Variants in UNC13B observed in about 807,000 individuals in gnomAD.
The protein encoded by UNC13B is protein unc-13 homolog B.
UNC13B carries 144 observed loss-of-function variants against 211.0 expected under a neutral mutation model. The ratio of observed to expected loss-of-function variants is 0.68; its 90% CI spans 0.60 to 0.78. The LOEUF is 0.78. UNC13B is among the 30% of genes least tolerant of loss of function. The pLI, the probability that UNC13B is intolerant of heterozygous loss-of-function variation, is 0.00. For synonymous variants in UNC13B, 709 were observed against 725.8 expected (o/e 0.98, Z 0.37); for missense variants, 1,777 against 2,002.0 (o/e 0.89, Z 2.14).
In UNC13B at chr9:35,304,030, T is replaced by G. The variant is rs1829810547; in HGVS notation, c.4626T>G (p.Ser1542=). 7.5e-6 allele frequency: 3 copies of G among 398,846 alleles called. No homozygotes were observed. Among genetic ancestry groups the G allele is most frequent in the Non-Finnish European group, 8.9e-6 (2 of 225,894 alleles). The allele number at this position is 398,846 out of a possible 1,614,324, so 24.7% of individuals were successfully genotyped here. A position where few individuals can be genotyped will look rare whatever the true frequency, so the allele number is the denominator to read the frequency against. Residue 1542 remains serine, a synonymous_variant, in exon 9 of 40, where the codon TCT becomes TCG. Coordinates refer to ENST00000635942, the MANE Select transcript of UNC13B (RefSeq NM_001371189.2). ...YMFHDGQYIY[S]LLTDSTGQYA... ...TTCATGATGGTCAATATATCTATTC[T>G]CTTCTCACTGATTCTACTGGGCAGT...
At chr9:35,295,409 C>G (rs1016374629) in intron 7 of UNC13B, among the ~76,000 whole-genome samples, 7 of 152,092 alleles carry the variant, frequency 4.6e-5, no homozygotes, top group African/African-American at 1.7e-4. Context: ...GTTGGAGAAG[C>G]AGAATTCCAA....
At chr9:35,366,705 C>T (rs1833792750) in intron 11 of UNC13B, among the ~76,000 whole-genome samples, 1 of 152,158 alleles carries the variant, frequency 6.6e-6, no homozygotes, top group Non-Finnish European at 1.5e-5. Context: ...GACTTCAGCC[C>T]TGCAAACTCA....
rs1835042672 is a variant in UNC13B at position 35,384,286 on chromosome 9, C to T, written c.10847C>T (p.Ser3616Leu). The T allele has an allele frequency of 6.2e-7, 1 of 1,613,942 alleles. No individual in the cohort carries two copies. The highest frequency in any genetic ancestry group is 2.2e-5 in the East Asian group (1 of 44,900). The change falls in exon 22 of 40, where the codon TCA becomes TTA. Residue 3616 changes from serine to leucine, a missense_variant. Ser to Leu is a moderately radical substitution (Grantham distance 145, BLOSUM62 -2). Transcript: ENST00000635942. ...FVKLLDQLHN[S>L]LRIDLSTYRN... ...AAACTGCTGGACCAGCTACACAACT[C>T]ACTGAGGATCGACCTCTCTACATAC... is the stretch of plus-strand genomic sequence containing the variant.
At chr9:35,344,873 A>G (rs971361852) in intron 11 of UNC13B, among the ~76,000 whole-genome samples, 2 of 152,128 alleles carry the variant, frequency 1.3e-5, no homozygotes, top group Non-Finnish European at 2.9e-5. Flanking sequence ...ATTCAATGAC[A>G]GGGTTGGTTT....
intron 17 of UNC13B, 113 bp from the exon 18 acceptor site, chr9:35,380,357 C>T (rs1053054680): frequency 3.6e-6 from 3 of 824,132 alleles, no homozygotes; most frequent in Non-Finnish European, 5.1e-6. Flanking sequence ...TCTGACTTCT[C>T]CTCTTTCAGG....
At chr9:35,388,371 G>A (rs1344265579) in intron 24 of UNC13B, among the ~76,000 whole-genome samples, 1 of 152,138 alleles carries the variant, frequency 6.6e-6, no homozygotes, top group African/African-American at 2.4e-5. Flanking sequence ...TCGTGCTGCT[G>A]CACTCCAGCC....
At chr9:35,162,353 C>A in intron 1 of UNC13B, 48 bp downstream of exon 1, 1 of 1,502,136 alleles carries the variant, frequency 6.7e-7, no homozygotes, top group Non-Finnish European at 8.9e-7. Context: ...GCGTAGAGGT[C>A]CCCGCACCCT....
chr9:35,359,377 A>G (rs149897029), intron 11 of UNC13B, among the ~76,000 whole-genome samples: 17 of 152,180 alleles, frequency 1.1e-4, no homozygotes, highest in Admixed American at 3.9e-4. Flanking sequence ...TTGACTTCCT[A>G]TGCTCACTTC....
rs909702156 is a variant in UNC13B at position 35,227,353 on chromosome 9, CT to C, written c.23-653del. 5.9e-5 allele frequency among the ~76,000 whole-genome samples: 9 copies of C among 151,570 alleles called. No individual in the cohort carries two copies. The East Asian group carries it at 1.4e-3, about 23-fold the overall frequency. ...TTTTGTGTTTTAGGGTTTTCTTCACCTTTTTTTTTCTCCTGTGGCACGTAGC... is the reference window on the plus strand; with the variant it reads ...TTTTGTGTTTTAGGGTTTTCTTCACCTTTTTTTTCTCCTGTGGCACGTAGC... On this transcript the variant is annotated intron_variant, in intron 1 of 39. Coordinates refer to ENST00000635942, the MANE Select transcript of UNC13B (RefSeq NM_001371189.2).
chr9:35,297,561 T>TTTTTTTTTTTTTTTTTTTTTGTTTG, intron 8 of UNC13B, among the ~76,000 whole-genome samples: 5 of 128,232 alleles, frequency 3.9e-5, no homozygotes, highest in African/African-American at 1.5e-4. Context: ...TTTTTTTTTT[T>TTTTTTTTTTTTTTTTTTTTTGTTTG]TTTTTTGAGA....
intron 12 of UNC13B, among the ~76,000 whole-genome samples, chr9:35,367,955 C>T (rs1293270207): frequency 6.6e-6 from 1 of 152,150 alleles, no homozygotes; most frequent in Non-Finnish European, 1.5e-5. Flanking sequence ...CATCAGAAGT[C>T]TCAGTAGTTG....
chr9:35,163,215 A>G, intron 1 of UNC13B, among the ~76,000 whole-genome samples: 1 of 152,156 alleles, frequency 6.6e-6, no homozygotes, highest in Non-Finnish European at 1.5e-5. Flanking sequence ...ATCATATCTG[A>G]TGTGTCTTGA....
intron 6 of UNC13B, among the ~76,000 whole-genome samples, chr9:35,257,743 A>G (rs1271687642): frequency 1.3e-5 from 2 of 152,026 alleles, no homozygotes; most frequent in African/African-American, 2.4e-5. Context: ...ACCATATTCT[A>G]TTGCTTATAA....
At chr9:35,354,054 C>T (rs569016560) in intron 11 of UNC13B, among the ~76,000 whole-genome samples, 31 of 152,254 alleles carry the variant, frequency 2.0e-4, no homozygotes, top group Non-Finnish European at 4.0e-4. Flanking sequence ...AAGAGGAAGC[C>T]GTCCTTATCT....
At chr9:35,313,214 G>A (rs778187903) in intron 10 of UNC13B, among the ~76,000 whole-genome samples, 7 of 152,124 alleles carry the variant, frequency 4.6e-5, no homozygotes, top group Non-Finnish European at 1.0e-4. Context: ...TGACAAAAAC[G>A]AGTAGGAAAA....
chr9:35,218,271 C>T (rs1242542417), intron 1 of UNC13B, among the ~76,000 whole-genome samples: 1 of 152,018 alleles, frequency 6.6e-6, no homozygotes, highest in African/African-American at 2.4e-5. Flanking sequence ...CAAGAAGCAA[C>T]ATAGGATTGT....
At position 35,302,686 on chromosome 9, in the gene UNC13B, T is replaced by C; in HGVS notation, c.3282T>C (p.Pro1094=). Residue 1094 remains proline (P), a synonymous_variant, in exon 9 of 40, where the codon CCT becomes CCC. Coordinates refer to ENST00000635942, the MANE Select transcript of UNC13B (RefSeq NM_001371189.2). The part of the protein sequence containing the change: ...VVPKEHITSD[P]LGEDKNLIQA... ...CCAAAGAACATATAACTTCAGATCC[T>C]TTAGGAGAAGATAAGAATCTTATAC... The C allele has an allele frequency of 2.5e-6, 1 of 398,646 alleles. No individual in the cohort carries two copies. 24.7% of individuals were successfully genotyped at this position (398,646 alleles called of 1,614,324 possible).
Position 35,281,423 on chromosome 9 carries a change from AGAG to A in UNC13B, c.527-14272_527-14270del, listed in dbSNP as rs773813832. ...AGAGACTGTCTCAAAAAAAAAAAAA[AGAG>A]AGAGAGAGGAATGAAAGTCCCTGAC... is the stretch of plus-strand genomic sequence containing the variant. On this transcript the variant is annotated intron_variant, in intron 7 of 39. Coordinates refer to ENST00000635942, the MANE Select transcript of UNC13B (RefSeq NM_001371189.2). Among the ~76,000 whole-genome samples, 304 of 145,534 alleles carry A rather than the reference AGAG, an allele frequency of 2.1e-3. 5 individuals are homozygous for A. The highest frequency in any genetic ancestry group is 7.1e-3 in the Middle Eastern group (2 of 282).
At chr9:35,205,330 C>T (rs1233629762) in intron 1 of UNC13B, among the ~76,000 whole-genome samples, 1 of 152,168 alleles carries the variant, frequency 6.6e-6, no homozygotes, top group Non-Finnish European at 1.5e-5. Flanking sequence ...CAAACACACA[C>T]ACATATATAC....
Sources: allele counts gnomAD v4.1 joint callset (sites outside exome capture counted in the v4.1 genomes callset), GRCh38; gene constraint gnomAD v4.1.1; transcripts MANE v1.5; gene names NCBI Gene and HGNC (gene_info 2026-07-23, HGNC 2026-07-21).